Variants in UGGT2 observed in about 807,000 individuals in gnomAD.
UGGT2 encodes the protein UDP-glucose:glycoprotein glucosyltransferase 2.
A neutral mutation model predicts 192.1 loss-of-function variants in UGGT2; 180 were observed. The observed-to-expected ratio is 0.94, with a 90% confidence interval of 0.83 to 1.06. UGGT2 has a LOEUF of 1.06. Ranked by LOEUF, UGGT2 falls within the 50% of genes least tolerant of loss-of-function variation. The pLI is 0.00. For missense variants in UGGT2, 1,849 were observed against 1,795.7 expected (o/e 1.03, Z -0.54); for synonymous variants, 580 against 591.0 (o/e 0.98, Z 0.27).
chr13:95,862,519 CTA>C (rs1217592635), intron 31 of UGGT2, among the ~76,000 whole-genome samples: 1 of 152,126 alleles, frequency 6.6e-6, no homozygotes, highest in Non-Finnish European at 1.5e-5. Flanking sequence ...CCATCTCATT[CTA>C]TGAGGTTTAG....
At position 95,986,421 on chromosome 13, in the gene UGGT2, G is replaced by C; in HGVS notation, c.943C>G (p.Gln315Glu). 6.3e-7 allele frequency: 1 copy of C among 1,595,660 alleles called. No individual in the cohort carries two copies. The highest frequency in any genetic ancestry group is 8.6e-7 in the Non-Finnish European group (1 of 1,165,878). Residue 315 changes from glutamine to glutamate, a missense_variant, in exon 9 of 39, where the codon CAA becomes GAA. Transcript: ENST00000376747. ...KVWELQDLSF[Q>E]AASQIMSAPV... ...GCGGACATTATTTGAGAAGCTGCTT[G>C]AAAACTAAGATCTGGAAGGAAAAAT...
At chr13:95,942,542 T>C (rs1395923593) in intron 15 of UGGT2, among the ~76,000 whole-genome samples, 1 of 152,216 alleles carries the variant, frequency 6.6e-6, no homozygotes, top group Non-Finnish European at 1.5e-5. Flanking sequence ...TTACCATTAA[T>C]GGTAATAAAT....
intron 36 of UGGT2, among the ~76,000 whole-genome samples, chr13:95,837,728 G>A (rs1390144213): frequency 6.6e-6 from 1 of 152,130 alleles, no homozygotes; most frequent in Non-Finnish European, 1.5e-5. Context: ...GAGACCTTTG[G>A]AGAGAATCAG....
chr13:95,939,329 T>A (rs535976725), intron 16 of UGGT2, among the ~76,000 whole-genome samples: 1 of 152,344 alleles, frequency 6.6e-6, no homozygotes, highest in South Asian at 2.1e-4. Flanking sequence ...AGAAAAGTAT[T>A]CCTTATCCCC....
At chr13:95,872,140 A>G (rs2140137533) in intron 29 of UGGT2, among the ~76,000 whole-genome samples, 1 of 152,342 alleles carries the variant, frequency 6.6e-6, no homozygotes, top group East Asian at 1.9e-4. Flanking sequence ...TCTACAATTA[A>G]TTAGGAAAAT....
At chr13:95,931,729 G>C (rs1199993256) in intron 17 of UGGT2, among the ~76,000 whole-genome samples, 4 of 152,124 alleles carry the variant, frequency 2.6e-5, no homozygotes, top group Non-Finnish European at 5.9e-5. Flanking sequence ...CCGCCGGCCT[G>C]AGTGCAGGGC....
At chr13:95,949,873 A>G (rs558665605) in intron 12 of UGGT2, among the ~76,000 whole-genome samples, 2 of 152,186 alleles carry the variant, frequency 1.3e-5, no homozygotes, top group Non-Finnish European at 2.9e-5. Context: ...TATAAAATCA[A>G]CATCTTAGAA....
chr13:95,816,819 T>C (rs996460220), intron 38 of UGGT2, among the ~76,000 whole-genome samples: 2 of 152,146 alleles, frequency 1.3e-5, no homozygotes, highest in African/African-American at 2.4e-5. Flanking sequence ...CATGACTGTA[T>C]ATATTAGTAA....
chr13:95,929,941 G>A (rs1360285951), intron 17 of UGGT2, among the ~76,000 whole-genome samples: 1 of 152,118 alleles, frequency 6.6e-6, no homozygotes, highest in Non-Finnish European at 1.5e-5. Flanking sequence ...AGCCTCACCA[G>A]CATCTGTTGT....
intron 4 of UGGT2, among the ~76,000 whole-genome samples, chr13:96,014,701 CATGAGAGGCTA>C (rs1204938312): frequency 6.6e-6 from 1 of 152,130 alleles, no homozygotes; most frequent in East Asian, 1.9e-4. Flanking sequence ...TGTCTTTCTT[CATGAGAGGCTA>C]TTAATAAATG....
intron 4 of UGGT2, among the ~76,000 whole-genome samples, chr13:96,021,837 C>T (rs1418432928): frequency 6.6e-6 from 1 of 152,062 alleles, no homozygotes. Flanking sequence ...GAGAAACATG[C>T]CATGTTATTT....
intron 4 of UGGT2, among the ~76,000 whole-genome samples, chr13:96,017,843 T>G (rs1427575455): frequency 2.6e-5 from 4 of 152,188 alleles, no homozygotes; most frequent in African/African-American, 7.2e-5. Flanking sequence ...CATACAGCTT[T>G]CCATTTGGGA....
At chr13:95,852,348 G>C (rs1889136344) in intron 36 of UGGT2, among the ~76,000 whole-genome samples, 1 of 152,054 alleles carries the variant, frequency 6.6e-6, no homozygotes, top group Admixed American at 6.6e-5. Flanking sequence ...CTGCATCTGT[G>C]TCAGCTTTTA....
chr13:95,823,862 AT>A (rs937986903), intron 38 of UGGT2, among the ~76,000 whole-genome samples: 6 of 151,622 alleles, frequency 4.0e-5, no homozygotes. Context: ...TGAGTTTTTT[AT>A]TTTTTATTTT....
At chr13:96,008,149 T>G (rs2052039661) in intron 5 of UGGT2, among the ~76,000 whole-genome samples, 1 of 152,116 alleles carries the variant, frequency 6.6e-6, no homozygotes, top group Non-Finnish European at 1.5e-5. Flanking sequence ...GTGTGAGACT[T>G]CAAAAGCACA....
chr13:95,833,251 T>C (rs1314525564), intron 37 of UGGT2, among the ~76,000 whole-genome samples, 198 bp from the exon 38 acceptor site: 2 of 152,142 alleles, frequency 1.3e-5, no homozygotes, highest in Non-Finnish European at 2.9e-5. Flanking sequence ...TACAAATACC[T>C]CAATCAGAAA....
At chr13:95,987,368 C>T (rs1351902707) in intron 8 of UGGT2, among the ~76,000 whole-genome samples, 2 of 152,122 alleles carry the variant, frequency 1.3e-5, no homozygotes, top group African/African-American at 2.4e-5. Context: ...CATTGAAATA[C>T]ATCTTACACA....
intron 2 of UGGT2, among the ~76,000 whole-genome samples, chr13:96,025,346 ACAGT>A (rs1237401519): frequency 2.0e-5 from 3 of 152,224 alleles, no homozygotes; most frequent in African/African-American, 4.8e-5. Context: ...ACAAAACTGT[ACAGT>A]CAATCAGGCA....
intron 27 of UGGT2, among the ~76,000 whole-genome samples, chr13:95,878,631 T>C (rs117327160): frequency 0.024 from 3,579 of 152,272 alleles, 54 homozygotes; most frequent in Non-Finnish European, 0.037. Context: ...TGAAAATAAA[T>C]CAAACAGTGA....
Sources: allele counts gnomAD v4.1 joint callset (sites outside exome capture counted in the v4.1 genomes callset), GRCh38; gene constraint gnomAD v4.1.1; transcripts MANE v1.5; gene names NCBI Gene and HGNC (gene_info 2026-07-23, HGNC 2026-07-21).